MYO16: variants seen among roughly 807,000 people sequenced by gnomAD.
MYO16 encodes myosin XVI, also known as unconventional myosin-XVI.
MYO16 carries 94 observed loss-of-function variants against 205.3 expected under a neutral mutation model. The ratio of observed to expected loss-of-function variants is 0.46; its 90% CI spans 0.39 to 0.54. The LOEUF is 0.54. MYO16 is among the 20% of genes least tolerant of loss of function. MYO16 has a pLI of 0.00. For missense variants in MYO16, 2,315 were observed against 2,387.5 expected (o/e 0.97, Z 0.63); for synonymous variants, 988 against 954.0 (o/e 1.04, Z -0.66).
intron 34 of MYO16, among the ~76,000 whole-genome samples, chr13:109,190,832 A>G (rs1282297288): frequency 6.6e-6 from 1 of 152,196 alleles, no homozygotes; most frequent in Non-Finnish European, 1.5e-5. Flanking sequence ...ATTCAATTAT[A>G]TGCATCCATG....
intron 27 of MYO16, among the ~76,000 whole-genome samples, chr13:109,099,536 A>C (rs1454098707): frequency 3.3e-5 from 5 of 152,146 alleles, no homozygotes; most frequent in Non-Finnish European, 4.4e-5. Flanking sequence ...CACCCTCATG[A>C]CTTAATCACC....
chr13:108,837,489 G>T (rs993038520), intron 9 of MYO16, among the ~76,000 whole-genome samples: 8 of 152,130 alleles, frequency 5.3e-5, no homozygotes, highest in Admixed American at 5.2e-4. Flanking sequence ...TTATTTTTGA[G>T]ATGCAGGTGA....
chr13:108,959,046 G>A (rs987379617), intron 17 of MYO16, among the ~76,000 whole-genome samples: 6 of 152,176 alleles, frequency 3.9e-5, no homozygotes, highest in African/African-American at 1.4e-4. Context: ...GAGTAGGTGG[G>A]GAGGGTGGAG....
chr13:108,572,621 G>A, the MYO16 span, among the ~76,000 whole-genome samples: 1,028 of 152,142 alleles, frequency 6.8e-3, 14 homozygotes, highest in South Asian at 0.043. Context: ...CTTGCTTTAG[G>A]TCCTTCCCTC....
At chr13:109,075,857 T>TA (rs34352000) in intron 27 of MYO16, among the ~76,000 whole-genome samples, 86,003 of 151,938 alleles carry the variant, frequency 0.57, 24,510 homozygotes, top group Non-Finnish European at 0.6. Flanking sequence ...TCCTGTCTTC[T>TA]CCTTGTGAAG....
chr13:108,500,615 T>C, the MYO16 span, among the ~76,000 whole-genome samples: 1 of 152,214 alleles, frequency 6.6e-6, no homozygotes, highest in South Asian at 2.1e-4. Flanking sequence ...AGTTATCAAG[T>C]CTTTACAATG....
intron 12 of MYO16, among the ~76,000 whole-genome samples, chr13:108,878,755 G>A (rs991458437): frequency 6.6e-6 from 1 of 152,212 alleles, no homozygotes; most frequent in Non-Finnish European, 1.5e-5. Context: ...AAGCCCAAAG[G>A]TGCTGGCCCA....
At chr13:108,772,776 T>C (rs1347788476) in intron 4 of MYO16, among the ~76,000 whole-genome samples, 1 of 152,146 alleles carries the variant, frequency 6.6e-6, no homozygotes, top group Non-Finnish European at 1.5e-5. Flanking sequence ...GCATGATGCC[T>C]GTAACCCGCT....
At chr13:108,754,119 C>G (rs554696124) in intron 4 of MYO16, among the ~76,000 whole-genome samples, 1 of 152,100 alleles carries the variant, frequency 6.6e-6, no homozygotes, top group Non-Finnish European at 1.5e-5. Flanking sequence ...GCATGCAGAA[C>G]AAACTGTAGC....
chr13:108,579,888 A>G, the MYO16 span, among the ~76,000 whole-genome samples: 3 of 152,170 alleles, frequency 2.0e-5, no homozygotes, highest in East Asian at 1.9e-4. Context: ...AATATTTCAA[A>G]CTGCTATTAC....
chr13:108,689,825 A>C (rs569390789), intron 2 of MYO16, among the ~76,000 whole-genome samples: 7 of 152,316 alleles, frequency 4.6e-5, no homozygotes, highest in African/African-American at 1.7e-4. Flanking sequence ...TTTCCAGCAG[A>C]AAATAATCGA....
At chr13:108,617,086 G>A (rs1201620802) in intron 1 of MYO16, among the ~76,000 whole-genome samples, 1 of 152,086 alleles carries the variant, frequency 6.6e-6, no homozygotes, top group East Asian at 1.9e-4. Context: ...TTACACAAAA[G>A]GAAGCTGTTT....
intron 1 of MYO16, among the ~76,000 whole-genome samples, chr13:108,620,290 G>A (rs1879492077): frequency 1.3e-5 from 2 of 151,142 alleles, no homozygotes; most frequent in South Asian, 2.1e-4. Context: ...CTTACTTTTT[G>A]AATAATAAAT....
chr13:109,003,919 G>C (rs1030265606), intron 21 of MYO16, among the ~76,000 whole-genome samples: 3 of 152,162 alleles, frequency 2.0e-5, no homozygotes, highest in African/African-American at 4.8e-5. Flanking sequence ...AGATATGTTA[G>C]AGTCATCAAT....
chr13:109,102,085 T>G (rs1888985571), intron 28 of MYO16, among the ~76,000 whole-genome samples: 1 of 152,034 alleles, frequency 6.6e-6, no homozygotes, highest in Non-Finnish European at 1.5e-5. Flanking sequence ...TTTGTTATCT[T>G]TTTTCCTTTT....
chr13:109,019,788 A>C lies in MYO16; in HGVS notation c.2673A>C (p.Lys891Asn). ...IWSVESNFPK[K>N]LQSLLESSNT... Reference sequence around the variant, plus strand: ...CAGTGGAATCAAATTTTCCAAAAAAACTACAAAGTCTCCTAGAATCCTCAA... The same window carrying C: ...CAGTGGAATCAAATTTTCCAAAAAACCTACAAAGTCTCCTAGAATCCTCAA... The change falls in exon 23 of 35, where the codon AAA (lysine) becomes AAC (asparagine). Residue 891 changes from lysine (K) to asparagine (N), a missense_variant. Lys to Asn is a moderately conservative substitution (Grantham distance 94, BLOSUM62 0). Coordinates refer to ENST00000457511, the MANE Select transcript of MYO16 (RefSeq NM_001198950.3). The C allele has an allele frequency of 1.9e-6, 3 of 1,614,154 alleles. No individual in the cohort carries two copies. Among genetic ancestry groups the C allele is most frequent in the Non-Finnish European group, 2.5e-6 (3 of 1,180,002 alleles).
chr13:108,627,472 T>A (rs1339661254), upstream of MYO16, among the ~76,000 whole-genome samples: 2 of 152,188 alleles, frequency 1.3e-5, no homozygotes, highest in Non-Finnish European at 2.9e-5. Context: ...CACTGTGCTA[T>A]CTTGATTGTC....
chr13:108,763,787 T>TTTTGTGTG (rs150965677), intron 4 of MYO16, among the ~76,000 whole-genome samples: 1 of 142,536 alleles, frequency 7.0e-6, no homozygotes. Context: ...AGAAAAGGAG[T>TTTTGTGTG]TGTGTGTGTG....
chr13:109,070,128 AAAAC>A (rs1887880657), intron 27 of MYO16, among the ~76,000 whole-genome samples: 1 of 152,222 alleles, frequency 6.6e-6, no homozygotes, highest in Non-Finnish European at 1.5e-5. Flanking sequence ...ATTTCATAGT[AAAAC>A]AAGGAACAAT....
Sources: gnomAD v4.1 joint callset for allele counts (sites outside exome capture counted in the v4.1 genomes callset) on GRCh38, gnomAD v4.1.1 for gene constraint, MANE v1.5 for transcripts, NCBI Gene and HGNC (gene_info 2026-07-23, HGNC 2026-07-21) for gene names.